Variants in ANGPTL5 observed in about 807,000 individuals in gnomAD.
ANGPTL5 encodes angiopoietin-related protein 5.
In ANGPTL5, 34 loss-of-function variants were observed where a neutral mutation model predicts 39.4. That is an observed-to-expected ratio of 0.86 (90% CI 0.66 to 1.15). ANGPTL5 has a LOEUF of 1.15. ANGPTL5 is among the 50% of genes most tolerant of loss of function. The probability of loss-of-function intolerance (pLI) is 0.00; values close to 1 mark genes in which losing one functional copy is unlikely to be tolerated. For synonymous variants in ANGPTL5, 146 were observed against 152.1 expected, an observed-to-expected ratio of 0.96 and a Z score of 0.29; for missense variants, 467 against 457.5, an observed-to-expected ratio of 1.02 and a Z score of -0.19.
At chr11:101,915,976 C>G (rs1940203789) in intron 1 of ANGPTL5, 43 bp downstream of exon 1, 1 of 152,264 alleles carries the variant, frequency 6.6e-6, no homozygotes, top group Admixed American at 6.5e-5. Flanking sequence ...GCTTTACAAT[C>G]TGGATTAACT....
chr11:101,900,523 C>T lies in ANGPTL5; in HGVS notation c.568G>A (p.Gly190Ser). 1 of 1,611,642 alleles carries T rather than the reference C, an allele frequency of 6.2e-7. No homozygotes were observed. Among genetic ancestry groups the T allele is most frequent in the Non-Finnish European group, 8.5e-7 (1 of 1,177,956 alleles). ...EVMCDMDYRGGGRTVIQKRID... is the reference protein window; with the variant it reads ...EVMCDMDYRGSGRTVIQKRID... The stretch of plus-strand genomic sequence containing the variant: ...CTTTTCTGTATCACAGTCCGTCCAC[C>T]TCCTCTGTAATCCATGTCACACATT... Residue 190 changes from glycine to serine, a missense_variant, in exon 7 of 9, where the codon GGT becomes AGT. By Grantham distance (56) the Gly-to-Ser change is moderately conservative (BLOSUM62 0). Transcript: ENST00000334289.
In ANGPTL5 at chr11:101,900,492, T is replaced by A. The variant is rs1939873729; in HGVS notation, c.599A>T (p.Asp200Val). Residue 200 changes from aspartate to valine, a missense_variant, in exon 7 of 9, where the codon GAT becomes GTT. Physicochemically the swap from Asp to Val is radical, Grantham distance 152. Coordinates refer to ENST00000334289, the MANE Select transcript of ANGPTL5 (RefSeq NM_178127.5). ...GGRTVIQKRI[D>V]GIIDFQRLWC... ...CAACCTCTGGAAATCAATTATCCCA[T>A]CAATTCTTTTCTGTATCACAGTCCG... The A allele has an allele frequency of 6.2e-7, 1 of 1,612,974 alleles. No individual in the cohort carries two copies. The highest frequency in any genetic ancestry group is 1.7e-4 in the Middle Eastern group (1 of 6,056).
chr11:101,915,036 G>C (rs751753088), intron 1 of ANGPTL5: 2 of 440,238 alleles, frequency 4.5e-6, no homozygotes, highest in Non-Finnish European at 8.0e-6. Flanking sequence ...TCAAGATGGC[G>C]GCTGCAGGGT....
At chr11:101,915,450 T>C (rs1591263587) in intron 1 of ANGPTL5, 6 of 1,581,608 alleles carry the variant, frequency 3.8e-6, no homozygotes, top group Non-Finnish European at 3.4e-6. Flanking sequence ...GGTAGCGATG[T>C]TGAAAACGGG....
At chr11:101,912,579 A>C (rs1940107876) in intron 1 of ANGPTL5, among the ~76,000 whole-genome samples, 1 of 152,218 alleles carries the variant, frequency 6.6e-6, no homozygotes, top group Non-Finnish European at 1.5e-5. Flanking sequence ...TAAAGGTCGA[A>C]AAAACCTATG....
intron 8 of ANGPTL5, among the ~76,000 whole-genome samples, chr11:101,894,381 A>G (rs969564447): frequency 6.6e-6 from 1 of 152,242 alleles, no homozygotes; most frequent in African/African-American, 2.4e-5. Context: ...ATTTATTTGG[A>G]AATGAGCAGA....
chr11:101,900,543 C>T lies in ANGPTL5; in HGVS notation c.548G>A (p.Cys183Tyr), dbSNP rs199903298. The T allele has an allele frequency of 6.2e-7, 1 of 1,610,410 alleles. No individual in the cohort carries two copies. Among genetic ancestry groups the T allele is most frequent in the Non-Finnish European group, 8.5e-7 (1 of 1,176,938 alleles). Residue 183 changes from cysteine (C) to tyrosine (Y), a missense_variant, in exon 7 of 9, where the codon TGT becomes TAT. Coordinates refer to ENST00000334289, the MANE Select transcript of ANGPTL5 (RefSeq NM_178127.5). ...TCCACCTCCTCTGTAATCCATGTCA[C>T]ACATTACCTAAAATAAGCACAGAGA... is the stretch of plus-strand genomic sequence containing the variant. ...EGSSYPFEVM[C>Y]DMDYRGGGRT...
Position 101,895,078 on chromosome 11 carries a change from G to A in ANGPTL5, c.662-14C>T, listed in dbSNP as rs1353313355. 1.3e-6 allele frequency: 2 copies of A among 1,523,080 alleles called. No individual in the cohort carries two copies. Among genetic ancestry groups the A allele is most frequent in the Non-Finnish European group, 9.0e-7 (1 of 1,111,534 alleles). 94.3% of individuals were successfully genotyped at this position (1,523,080 alleles called of 1,614,324 possible). ...GCCAAAATTCTCCTGTAAAAAAAAT[G>A]CTTTGTTTTAATATATTTTAATACA... On this transcript the variant is annotated splice_polypyrimidine_tract_variant and intron_variant, in intron 7 of 8. Coordinates refer to ENST00000334289, the MANE Select transcript of ANGPTL5 (RefSeq NM_178127.5).
intron 7 of ANGPTL5, among the ~76,000 whole-genome samples, chr11:101,897,187 C>T (rs2137052985): frequency 6.6e-6 from 1 of 152,270 alleles, no homozygotes; most frequent in African/African-American, 2.4e-5. Flanking sequence ...CCTTTGCCCA[C>T]TTTTTGATGG....
chr11:101,903,232 CA>C (rs2137059058), intron 5 of ANGPTL5, among the ~76,000 whole-genome samples: 1 of 152,206 alleles, frequency 6.6e-6, no homozygotes, highest in South Asian at 2.1e-4. Flanking sequence ...AGGGGAAAAT[CA>C]CTTTCTTCCC....
chr11:101,907,662 T>A (rs1940021611), intron 2 of ANGPTL5, 152 bp downstream of exon 2: 2 of 608,302 alleles, frequency 3.3e-6, no homozygotes. Flanking sequence ...AATACAGTAA[T>A]ATTAAAGCAA....
intron 8 of ANGPTL5, among the ~76,000 whole-genome samples, chr11:101,892,051 G>A (rs1300653461): frequency 6.6e-6 from 1 of 152,052 alleles, no homozygotes; most frequent in Admixed American, 6.5e-5. Flanking sequence ...ACAGAAGTTG[G>A]GGTTTTTTTC....
intron 7 of ANGPTL5, among the ~76,000 whole-genome samples, chr11:101,899,405 T>C (rs2137055159): frequency 6.6e-6 from 1 of 152,332 alleles, no homozygotes; most frequent in South Asian, 2.1e-4. Flanking sequence ...CAGCCCCAAA[T>C]TTGTTTCCAA....
intron 6 of ANGPTL5, 129 bp from the exon 7 acceptor site, chr11:101,900,679 T>C: frequency 1.1e-6 from 1 of 881,596 alleles, no homozygotes; most frequent in Non-Finnish European, 1.8e-6. Context: ...AATGCAATCA[T>C]ATGCCATTAA....
rs1330184074 is a variant in ANGPTL5, at chr11:101,907,919, G to C, written c.-10C>G. On this transcript the variant is annotated 5_prime_UTR_variant, in exon 2 of 9. Coordinates refer to ENST00000334289, the MANE Select transcript of ANGPTL5 (RefSeq NM_178127.5). ...GGGATGGAGACATCATATTTTTCTT[G>C]GATAGATGAAAACACTTCTTCAAAT... 1.3e-6 allele frequency: 2 copies of C among 1,557,754 alleles called. No homozygotes were observed. Among genetic ancestry groups the C allele is most frequent in the South Asian group, 1.1e-5 (1 of 89,764 alleles).
At chr11:101,905,882 T>C (rs375229780) in intron 3 of ANGPTL5, 35 bp from the exon 4 acceptor site, 2 of 1,212,658 alleles carry the variant, frequency 1.6e-6, no homozygotes, top group African/African-American at 3.0e-5. Context: ...TTAAATATTA[T>C]ATTGTTACAG....
In ANGPTL5 at chr11:101,891,243, A is replaced by C. The variant is rs1463556083; in HGVS notation, c.*36T>G. The C allele has an allele frequency of 1.3e-6, 2 of 1,555,890 alleles. No homozygotes were observed. The highest frequency in any genetic ancestry group is 1.8e-6 in the Non-Finnish European group (2 of 1,133,432). On this transcript the variant is annotated 3_prime_UTR_variant, in exon 9 of 9. Transcript: ENST00000334289. ...AACTTTTAAAAATCTTTAATATATT[A>C]TCATTGTAGAACTTGCATTACAATG...
At chr11:101,913,989 A>T (rs755044486) in intron 1 of ANGPTL5, among the ~76,000 whole-genome samples, 2 of 152,224 alleles carry the variant, frequency 1.3e-5, no homozygotes, top group Non-Finnish European at 2.9e-5. Flanking sequence ...TTTGTGTCTT[A>T]AATCGAAACT....
intron 7 of ANGPTL5, among the ~76,000 whole-genome samples, chr11:101,898,246 A>G (rs890497620): frequency 6.6e-6 from 1 of 152,218 alleles, no homozygotes; most frequent in East Asian, 1.9e-4. Context: ...TACTTTGGGC[A>G]GTATGGCCAT....
Sources: allele counts gnomAD v4.1 joint callset (sites outside exome capture counted in the v4.1 genomes callset), GRCh38; gene constraint gnomAD v4.1.1; transcripts MANE v1.5; gene names NCBI Gene and HGNC (gene_info 2026-07-23, HGNC 2026-07-21).